VPS13B: variants seen among roughly 807,000 people sequenced by gnomAD.
VPS13B encodes the protein intermembrane lipid transfer protein VPS13B.
Under a neutral mutation model 426.4 loss-of-function variants are expected in VPS13B, and 285 were observed. That is an observed-to-expected ratio of 0.67 (90% confidence interval 0.61 to 0.74). The LOEUF (loss-of-function observed/expected upper bound fraction) is 0.74. Among genes scored for constraint, VPS13B ranks in the 30% least tolerant of loss-of-function variants. The pLI, the probability that VPS13B is intolerant of heterozygous loss-of-function variation, is 0.00. For missense variants in VPS13B, 4,537 were observed against 4,782.6 expected (o/e 0.95, Z 1.51); for synonymous variants, 1,676 against 1,676.4 (o/e 1.00, Z 0.01).
chr8:99,867,683 G>A (rs951521971), intron 58 of VPS13B, among the ~76,000 whole-genome samples: 1 of 152,034 alleles, frequency 6.6e-6, no homozygotes, highest in African/African-American at 2.4e-5. Context: ...TGACTCCTAG[G>A]AATATGAGGA....
intron 40 of VPS13B, among the ~76,000 whole-genome samples, chr8:99,768,357 GT>G (rs887613506): frequency 6.6e-6 from 1 of 151,978 alleles, no homozygotes. Context: ...CTCTGTTACC[GT>G]TCTTTTTGCC....
rs575673218 is a variant in VPS13B, at chr8:99,802,147, C to A, written c.7942-7228C>A. 1.4e-4 allele frequency among the ~76,000 whole-genome samples: 21 copies of A among 148,414 alleles called. No homozygotes were observed. In the East Asian group the frequency reaches 4.1e-3, roughly 29 times the overall value. On this transcript the variant is annotated intron_variant, in intron 43 of 61. Coordinates refer to ENST00000357162, the MANE Select transcript of VPS13B (RefSeq NM_152564.5). ...TCTGGGCAATAAAGGGAAACCCAGT[C>A]TCAAATAAAAAAAAAAAAAACAAGC...
At chr8:99,547,846 C>T (rs1257440187) in intron 30 of VPS13B, among the ~76,000 whole-genome samples, 1 of 152,010 alleles carries the variant, frequency 6.6e-6, no homozygotes, top group Non-Finnish European at 1.5e-5. Flanking sequence ...TCATGGGCTT[C>T]TTGATTCACC....
At chr8:99,265,344 G>A (rs567495830) in intron 17 of VPS13B, among the ~76,000 whole-genome samples, 4 of 152,244 alleles carry the variant, frequency 2.6e-5, no homozygotes, top group East Asian at 3.9e-4. Context: ...GAGGATAATC[G>A]ATTATCAGTG....
At chr8:99,263,963 G>T (rs973423978) in intron 17 of VPS13B, among the ~76,000 whole-genome samples, 1 of 151,982 alleles carries the variant, frequency 6.6e-6, no homozygotes, top group Non-Finnish European at 1.5e-5. Context: ...TCTATACTCA[G>T]TATGAACGTA....
chr8:99,451,515 T>C (rs1476202234), intron 23 of VPS13B, among the ~76,000 whole-genome samples: 2 of 152,198 alleles, frequency 1.3e-5, no homozygotes, highest in Non-Finnish European at 2.9e-5. Context: ...TATCTTTTCC[T>C]AGGGTAACTA....
intron 51 of VPS13B, 149 bp from the exon 52 acceptor site, chr8:99,832,220 C>T: frequency 8.7e-7 from 1 of 1,154,714 alleles, no homozygotes; most frequent in Non-Finnish European, 1.2e-6. Context: ...CGAGATGGTG[C>T]CACTGCACTC....
chr8:99,225,021 G>A (rs1815937347), intron 17 of VPS13B, among the ~76,000 whole-genome samples: 1 of 152,156 alleles, frequency 6.6e-6, no homozygotes, highest in African/African-American at 2.4e-5. Flanking sequence ...CTAACTTCCT[G>A]ACTCTGTATT....
At chr8:99,414,844 C>T (rs986111077) in intron 21 of VPS13B, among the ~76,000 whole-genome samples, 1 of 152,150 alleles carries the variant, frequency 6.6e-6, no homozygotes, top group African/African-American at 2.4e-5. Context: ...TCTGGCTTCC[C>T]TTAACATTTT....
intron 25 of VPS13B, among the ~76,000 whole-genome samples, chr8:99,489,448 T>C (rs2133575716): frequency 1.3e-5 from 2 of 152,242 alleles, no homozygotes; most frequent in South Asian, 4.1e-4. Context: ...AGAAAGTCAT[T>C]GGTAGCTTGA....
Position 99,558,478 on chromosome 8 carries a change from A to T in VPS13B, c.4949+1825A>T, listed in dbSNP as rs145499349. On this transcript the variant is annotated intron_variant, in intron 31 of 61. Coordinates refer to ENST00000357162, the MANE Select transcript of VPS13B (RefSeq NM_152564.5). ...ACAACGTGCAGGTTTCTTACATATG[A>T]ATACATGTGCCATGTTGGTGTGCTG... Among the ~76,000 whole-genome samples the T allele has an allele frequency of 8.4e-3, 1,283 of 152,158 alleles. 11 individuals are homozygous for T. The highest frequency in any genetic ancestry group is 0.014 in the Non-Finnish European group (953 of 67,966).
intron 17 of VPS13B, among the ~76,000 whole-genome samples, chr8:99,246,784 C>G (rs542465192): frequency 4.6e-5 from 7 of 150,872 alleles, no homozygotes; most frequent in African/African-American, 1.5e-4. Flanking sequence ...GAGAATCACT[C>G]GAACCTAGGA....
chr8:99,459,149 T>G (rs1818698113), intron 23 of VPS13B, among the ~76,000 whole-genome samples: 1 of 152,248 alleles, frequency 6.6e-6, no homozygotes, highest in South Asian at 2.1e-4. Flanking sequence ...TAGCATATGG[T>G]CTGTTTGGGA....
intron 20 of VPS13B, among the ~76,000 whole-genome samples, chr8:99,386,445 A>G (rs1236238398): frequency 6.6e-6 from 1 of 152,140 alleles, no homozygotes; most frequent in Admixed American, 6.5e-5. Context: ...CTGGGCTATA[A>G]TCCATCTCTG....
Position 99,132,611 on chromosome 8 carries a change from C to G in VPS13B, c.1207-2021C>G, listed in dbSNP as rs180966100. 2.0e-5 allele frequency among the ~76,000 whole-genome samples: 3 copies of G among 151,868 alleles called. No individual in the cohort carries two copies. In the East Asian group the frequency reaches 5.8e-4, roughly 29 times the overall value. On this transcript the variant is annotated intron_variant, in intron 8 of 61. Transcript: ENST00000357162. ...TTGCCTAGATCCATCAGAGGAATCA[C>G]TATCTATGGTGGCTATAGCCTTACG...
At chr8:99,162,083 A>G (rs1367893913) in intron 15 of VPS13B, among the ~76,000 whole-genome samples, 3 of 152,062 alleles carry the variant, frequency 2.0e-5, no homozygotes, top group African/African-American at 7.2e-5. Flanking sequence ...TGTCTTGAAT[A>G]TTTCATTTCA....
intron 16 of VPS13B, among the ~76,000 whole-genome samples, chr8:99,191,182 C>T (rs941303839): frequency 2.6e-5 from 4 of 151,808 alleles, no homozygotes; most frequent in Admixed American, 1.3e-4. Flanking sequence ...TGTTTCTTTA[C>T]ATGTGATGTG....
chr8:99,374,330 C>A, intron 19 of VPS13B, among the ~76,000 whole-genome samples: 1 of 151,732 alleles, frequency 6.6e-6, no homozygotes, highest in East Asian at 1.9e-4. Context: ...TTTTTCACCT[C>A]TGATATTATA....
intron 17 of VPS13B, among the ~76,000 whole-genome samples, chr8:99,201,778 T>C (rs1461034886): frequency 1.3e-5 from 2 of 152,220 alleles, no homozygotes; most frequent in South Asian, 2.1e-4. Flanking sequence ...ACTGGTTTAG[T>C]GAATGTCTTA....
Sources: allele counts gnomAD v4.1 joint callset (sites outside exome capture counted in the v4.1 genomes callset), GRCh38; gene constraint gnomAD v4.1.1; transcripts MANE v1.5; gene names NCBI Gene and HGNC (gene_info 2026-07-23, HGNC 2026-07-21).